Variants in AVEN observed in about 807,000 individuals in gnomAD.
AVEN encodes the protein cell death regulator Aven.
Under a neutral mutation model 38.1 loss-of-function variants are expected in AVEN, and 41 were observed. The ratio of observed to expected loss-of-function variants is 1.08; its 90% confidence interval spans 0.84 to 1.40. The LOEUF is 1.40. Among genes scored for constraint, AVEN ranks in the 40% most tolerant of loss-of-function variants. The pLI, the probability that AVEN is intolerant of heterozygous loss-of-function variation, is 0.00. For synonymous variants in AVEN, 206 were observed against 171.8 expected (o/e 1.20, Z -1.56); for missense variants, 605 against 438.8 (o/e 1.38, Z -3.38).
Position 33,867,709 on chromosome 15 carries a change from C to T in AVEN, c.759G>A (p.Val253=). The T allele has an allele frequency of 6.2e-7, 1 of 1,614,174 alleles. No individual in the cohort carries two copies. Residue 253 remains valine, a synonymous_variant, in exon 5 of 6, where the codon GTG becomes GTA. Coordinates refer to ENST00000306730, the MANE Select transcript of AVEN (RefSeq NM_020371.3). ...GGCTTGGGTTGTCTTTGCCCAGCAA[C>T]ACAGGGCAGCCAGCAGCCACAGATT... The part of the protein sequence containing the change: ...ELKSVAAGCP[V]LLGKDNPSPG...
chr15:33,931,342 ATATTTTCTTTTTTTTTTTTTTTTT>A (rs573925001), intron 2 of AVEN, among the ~76,000 whole-genome samples: 2 of 131,824 alleles, frequency 1.5e-5, no homozygotes, highest in Non-Finnish European at 1.6e-5. Flanking sequence ...ACTATGCTGA[ATATTTTCTTTTTTTTTTTTTTTTT>A]TTTTTTTTTT....
In AVEN at chr15:34,073,989, CTTTTTTTTTT is replaced by C. The variant is rs5811818; in HGVS notation, n.720+437_720+446del. On this transcript the variant is annotated intron_variant and non_coding_transcript_variant, in intron 1 of 11. Transcript: ENST00000675287. Reference sequence around the variant, plus strand: ...AGGAACTTTCTTTTTTCTTCTTCTTCTTTTTTTTTTTTTTTTTTTTTTTTTTGAGACACAG... The same window carrying C: ...AGGAACTTTCTTTTTTCTTCTTCTTCTTTTTTTTTTTTTTTTGAGACACAG... 1.2e-3 allele frequency among the ~76,000 whole-genome samples: 39 copies of C among 31,500 alleles called. 1 individual carries two copies. Among genetic ancestry groups the C allele is most frequent in the Admixed American group, 4.5e-3 (9 of 1,998 alleles). The allele number at this position is 31,500 out of a possible 152,430, so 20.7% of individuals were successfully genotyped here. A position where few individuals can be genotyped will look rare whatever the true frequency, so the allele number is the denominator to read the frequency against.
intron 2 of AVEN, among the ~76,000 whole-genome samples, chr15:33,953,936 C>T (rs1422023700): frequency 1.3e-5 from 2 of 151,622 alleles, no homozygotes; most frequent in Non-Finnish European, 3.0e-5. Context: ...CTTAAACTTT[C>T]GAGAACTTAA....
chr15:34,039,056 G>A lies in AVEN; in HGVS notation c.-10C>T. 2 of 1,096,068 alleles carry A rather than the reference G, an allele frequency of 1.8e-6. No homozygotes were observed. The highest frequency in any genetic ancestry group is 1.0e-4 in the Admixed American group (2 of 19,244). 67.9% of individuals were successfully genotyped at this position (1,096,068 alleles called of 1,614,324 possible). On this transcript the variant is annotated 5_prime_UTR_variant, in exon 1 of 6. Transcript: ENST00000306730. Reference sequence around the variant, plus strand: ...CTCGCTCCGCCTGCATCTGGCCGCCGCTGGCGGTGCTGAGCGCGCGGGAGC... The same window carrying A: ...CTCGCTCCGCCTGCATCTGGCCGCCACTGGCGGTGCTGAGCGCGCGGGAGC...
chr15:33,873,210 C>G (rs1195361040), intron 3 of AVEN, among the ~76,000 whole-genome samples: 1 of 148,106 alleles, frequency 6.8e-6, no homozygotes, highest in African/African-American at 2.5e-5. Context: ...AGCGATTCTC[C>G]TGCCTCAGCC....
chr15:34,031,375 A>T (rs1436245192), intron 1 of AVEN, among the ~76,000 whole-genome samples: 1 of 151,720 alleles, frequency 6.6e-6, no homozygotes, highest in Non-Finnish European at 1.5e-5. Context: ...GGGTTTCATC[A>T]TGTTGGTCAG....
At chr15:33,993,935 C>G (rs1896830583) in intron 2 of AVEN, among the ~76,000 whole-genome samples, 1 of 152,172 alleles carries the variant, frequency 6.6e-6, no homozygotes, top group Non-Finnish European at 1.5e-5. Context: ...TGAAAAGATT[C>G]ATCCACTTAT....
At chr15:33,900,643 C>A (rs191345422) in intron 2 of AVEN, among the ~76,000 whole-genome samples, 2 of 149,976 alleles carry the variant, frequency 1.3e-5, no homozygotes, top group African/African-American at 4.9e-5. Context: ...AAAAACTGAT[C>A]GCATAGCAAA....
intron 2 of AVEN, among the ~76,000 whole-genome samples, chr15:34,001,364 C>CT (rs908279987): frequency 3.3e-5 from 5 of 152,046 alleles, no homozygotes; most frequent in South Asian, 2.1e-4. Flanking sequence ...TATGAAGTAT[C>CT]TTTTTTTTGA....
At chr15:33,888,277 G>T (rs1891784583) in intron 2 of AVEN, among the ~76,000 whole-genome samples, 1 of 152,086 alleles carries the variant, frequency 6.6e-6, no homozygotes. Context: ...AACATGCAAT[G>T]ACAGACACAA....
intron 2 of AVEN, among the ~76,000 whole-genome samples, chr15:33,905,916 A>G (rs895707677): frequency 6.6e-6 from 1 of 151,908 alleles, no homozygotes; most frequent in Non-Finnish European, 1.5e-5. Flanking sequence ...TATGTTTAGC[A>G]TACCTGTTAC....
At chr15:33,879,230 T>G (rs1049628125) in intron 2 of AVEN, among the ~76,000 whole-genome samples, 2 of 151,456 alleles carry the variant, frequency 1.3e-5, no homozygotes, top group East Asian at 1.9e-4. Flanking sequence ...CCATAAAAAA[T>G]GATGAGTTCA....
chr15:33,956,781 A>G (rs1894968921), intron 2 of AVEN, among the ~76,000 whole-genome samples: 1 of 150,666 alleles, frequency 6.6e-6, no homozygotes, highest in Non-Finnish European at 1.5e-5. Context: ...TAATATTTTT[A>G]TTACATTAAG....
In AVEN at chr15:33,889,981, G is replaced by A. The variant is rs142866147; in HGVS notation, c.446-13986C>T. Among the ~76,000 whole-genome samples, 713 of 152,288 alleles carry A rather than the reference G, an allele frequency of 4.7e-3. 6 individuals carry two copies. The highest frequency in any genetic ancestry group is 0.016 in the African/African-American group (671 of 41,554). ...GTAGATACAAACCCTACATTCTACC[G>A]ATTCCAAACTTCACAGAAAACCAAG... is the stretch of plus-strand genomic sequence containing the variant. On this transcript the variant is annotated intron_variant, in intron 2 of 5. Coordinates refer to ENST00000306730, the MANE Select transcript of AVEN (RefSeq NM_020371.3).
chr15:34,053,319 A>ATATAT (rs1555520677), intron 5 of AVEN, among the ~76,000 whole-genome samples: 376 of 41,888 alleles, frequency 9.0e-3, no homozygotes, highest in Middle Eastern at 0.022. Context: ...AAAAAAAAAA[A>ATATAT]ATATATATAT....
chr15:33,905,823 A>G (rs1370563846), intron 2 of AVEN, among the ~76,000 whole-genome samples: 2 of 11,824 alleles, frequency 1.7e-4, no homozygotes, highest in Admixed American at 1.1e-3. Flanking sequence ...TTGTTTCGGG[A>G]AAGAAAAAAA....
chr15:33,904,714 T>TACACACACACACACACACACAC (rs201939919), intron 2 of AVEN, among the ~76,000 whole-genome samples: 21 of 142,726 alleles, frequency 1.5e-4, no homozygotes, highest in East Asian at 8.1e-4. Flanking sequence ...TATATATATA[T>TACACACACACACACACACACAC]ATACACACAC....
chr15:34,042,561 C>A (rs935135633), upstream of AVEN, among the ~76,000 whole-genome samples: 5 of 151,786 alleles, frequency 3.3e-5, no homozygotes, highest in Non-Finnish European at 2.9e-5. Flanking sequence ...CCACCACGCC[C>A]GGCTAATTTT....
At chr15:33,865,437 CGAAGAAG>C (rs562883766), downstream of AVEN, 1,871 of 495,546 alleles carry the variant, frequency 3.8e-3, 11 homozygotes, top group Admixed American at 6.1e-3. Context: ...GTCAAAATGT[CGAAGAAG>C]GAAGGCGAAG....
Sources: allele counts gnomAD v4.1 joint callset (sites outside exome capture counted in the v4.1 genomes callset), GRCh38; gene constraint gnomAD v4.1.1; transcripts MANE v1.5; gene names NCBI Gene and HGNC (gene_info 2026-07-23, HGNC 2026-07-21).